Variants in GRIA1 observed in about 807,000 individuals in gnomAD.
GRIA1 encodes glutamate ionotropic receptor AMPA type subunit 1.
A neutral mutation model predicts 99.2 loss-of-function variants in GRIA1; 31 were observed. That is an observed-to-expected ratio of 0.31 (90% CI 0.23 to 0.42). The LOEUF is 0.42. Ranked by LOEUF, GRIA1 falls within the 10% of genes least tolerant of loss-of-function variation. The pLI is 1.00. For synonymous variants in GRIA1, 438 were observed against 432.4 expected, an observed-to-expected ratio of 1.01 and a Z score of -0.16; for missense variants, 782 against 1,157.5, an observed-to-expected ratio of 0.68 and a Z score of 4.71.
intron 11 of GRIA1, among the ~76,000 whole-genome samples, chr5:153,724,516 G>T (rs547173892): frequency 6.6e-6 from 1 of 152,160 alleles, no homozygotes; most frequent in Non-Finnish European, 1.5e-5. Flanking sequence ...TTAGATGAAT[G>T]TATAACTAGA....
intron 2 of GRIA1, among the ~76,000 whole-genome samples, chr5:153,553,790 T>G (rs1031783735): frequency 2.2e-4 from 33 of 152,184 alleles, no homozygotes; most frequent in African/African-American, 8.0e-4. Context: ...TTCTATCCAT[T>G]GGGAAACTGC....
At chr5:153,724,173 G>A (rs1044064679) in intron 11 of GRIA1, among the ~76,000 whole-genome samples, 7 of 152,108 alleles carry the variant, frequency 4.6e-5, no homozygotes, top group African/African-American at 1.4e-4. Flanking sequence ...CAACAGACCT[G>A]CAGCTGAGGG....
At chr5:153,749,553 C>T (rs138631970) in intron 11 of GRIA1, among the ~76,000 whole-genome samples, 2,196 of 152,182 alleles carry the variant, frequency 0.014, 27 homozygotes, top group Middle Eastern at 0.041. Context: ...AGATGCCAGG[C>T]TCTTTTTAAC....
intron 4 of GRIA1, among the ~76,000 whole-genome samples, chr5:153,653,477 AGGTT>A (rs1346314752): frequency 1.3e-5 from 2 of 152,202 alleles, no homozygotes. Flanking sequence ...GAGTCAGTGA[AGGTT>A]TGTGAGCAAG....
intron 2 of GRIA1, among the ~76,000 whole-genome samples, chr5:153,526,039 G>T (rs149543642): frequency 6.6e-6 from 1 of 152,338 alleles, no homozygotes; most frequent in Non-Finnish European, 1.5e-5. Flanking sequence ...TTTTCTTGTG[G>T]TGAAAAGGTC....
chr5:153,746,759 T>C (rs1762188522), intron 11 of GRIA1, among the ~76,000 whole-genome samples: 1 of 152,226 alleles, frequency 6.6e-6, no homozygotes, highest in Admixed American at 6.5e-5. Context: ...TCTAAGAACT[T>C]AAGCCCAAAA....
chr5:153,492,282 G>C (rs1432539785), intron 1 of GRIA1: 1 of 1,535,418 alleles, frequency 6.5e-7, no homozygotes, highest in Admixed American at 2.0e-5. Context: ...TTTGTTTCCT[G>C]ACACCTGTTA....
At chr5:153,808,015 A>G (rs1253819139) in intron 15 of GRIA1, among the ~76,000 whole-genome samples, 1 of 152,250 alleles carries the variant, frequency 6.6e-6, no homozygotes, top group Non-Finnish European at 1.5e-5. Context: ...CAAGGGGAGC[A>G]TCCTCCACAG....
chr5:153,749,769 G>GAATA (rs955286661), intron 11 of GRIA1, among the ~76,000 whole-genome samples: 5 of 149,510 alleles, frequency 3.3e-5, no homozygotes, highest in Admixed American at 2.7e-4. Flanking sequence ...ATGAATGAAT[G>GAATA]AATAAATGAA....
intron 11 of GRIA1, among the ~76,000 whole-genome samples, chr5:153,740,749 A>G (rs550288328): frequency 6.6e-6 from 1 of 152,266 alleles, no homozygotes; most frequent in Non-Finnish European, 1.5e-5. Flanking sequence ...CCAGTGAACT[A>G]TGAACAGAAG....
intron 2 of GRIA1, among the ~76,000 whole-genome samples, chr5:153,598,284 G>A (rs1032061417): frequency 6.6e-6 from 1 of 152,068 alleles, no homozygotes; most frequent in African/African-American, 2.4e-5. Flanking sequence ...TGTCAGTGCT[G>A]TTACCTTTGA....
intron 2 of GRIA1, among the ~76,000 whole-genome samples, chr5:153,552,677 C>T (rs899710839): frequency 3.0e-4 from 46 of 152,042 alleles, no homozygotes; most frequent in Non-Finnish European, 2.8e-4. Flanking sequence ...GAATACTACT[C>T]AGAATTTATT....
At chr5:153,710,225 CA>C (rs35534347) in intron 11 of GRIA1, among the ~76,000 whole-genome samples, 59 of 139,202 alleles carry the variant, frequency 4.2e-4, no homozygotes, top group Middle Eastern at 3.6e-3. Flanking sequence ...GCTTCTTGTT[CA>C]AAAAAAAAAA....
intron 11 of GRIA1, among the ~76,000 whole-genome samples, chr5:153,753,486 A>G (rs1393019119): frequency 6.6e-6 from 1 of 152,160 alleles, no homozygotes; most frequent in Non-Finnish European, 1.5e-5. Context: ...AAAGTGCTGG[A>G]TAAGAAATAT....
chr5:153,492,267 C>T (rs572876650), intron 1 of GRIA1: 20 of 1,535,482 alleles, frequency 1.3e-5, no homozygotes, highest in African/African-American at 2.7e-5. Flanking sequence ...CATGGAGTAA[C>T]TTGCTTTGTT....
intron 11 of GRIA1, among the ~76,000 whole-genome samples, chr5:153,730,933 G>C (rs566515244): frequency 6.6e-6 from 1 of 152,074 alleles, no homozygotes; most frequent in Non-Finnish European, 1.5e-5. Flanking sequence ...TGAGGGTTTA[G>C]ATCTCAGATT....
chr5:153,643,687 C>A (rs947894531), intron 2 of GRIA1, among the ~76,000 whole-genome samples: 1 of 152,164 alleles, frequency 6.6e-6, no homozygotes, highest in African/African-American at 2.4e-5. Flanking sequence ...TAAATCCAGG[C>A]CAGGCTACCT....
intron 2 of GRIA1, among the ~76,000 whole-genome samples, chr5:153,532,674 A>G (rs536694155): frequency 6.6e-6 from 1 of 152,022 alleles, no homozygotes; most frequent in South Asian, 2.1e-4. Flanking sequence ...TCACATTGTC[A>G]CCCTAGCCCC....
chr5:153,760,600 C>G (rs945499251), intron 11 of GRIA1, among the ~76,000 whole-genome samples: 1 of 151,978 alleles, frequency 6.6e-6, no homozygotes, highest in African/African-American at 2.4e-5. Flanking sequence ...TCCATATCAC[C>G]CAAAGCAATC....
Sources: gnomAD v4.1 joint callset for allele counts (sites outside exome capture counted in the v4.1 genomes callset) on GRCh38, gnomAD v4.1.1 for gene constraint, MANE v1.5 for transcripts, NCBI Gene and HGNC (gene_info 2026-07-23, HGNC 2026-07-21) for gene names.